BRIP1: variants seen among roughly 807,000 people sequenced by gnomAD.
BRIP1 encodes the protein BRCA1 interacting DNA helicase 1, also known as Fanconi anemia group J protein.
BRIP1 carries 88 observed loss-of-function variants against 119.7 expected under a neutral mutation model. The observed-to-expected ratio is 0.74, with a 90% CI of 0.62 to 0.88. BRIP1 has a LOEUF of 0.88. Among genes scored for constraint, BRIP1 ranks in the 40% least tolerant of loss-of-function variants. The probability of loss-of-function intolerance (pLI) is 0.00; values close to 1 mark genes in which losing one functional copy is unlikely to be tolerated. For missense variants in BRIP1, 1,259 were observed against 1,455.4 expected (o/e 0.87, Z 2.20); for synonymous variants, 443 against 496.5 (o/e 0.89, Z 1.43).
rs587781328 is a variant in BRIP1, at chr17:61,684,021, C to T, written c.3025G>A (p.Gly1009Arg). 6.2e-7 allele frequency: 1 copy of T among 1,613,938 alleles called. No homozygotes were observed. Among genetic ancestry groups the T allele is most frequent in the Non-Finnish European group, 8.5e-7 (1 of 1,179,972 alleles). Reference protein sequence around the residue: ...RVSWSSFNSLGQYFTGKIPKA... With the variant: ...RVSWSSFNSLRQYFTGKIPKA... ...GGTATTTTACCAGTAAAATACTGTC[C>T]CAAAGAATTAAAGCTTGACCAGCTA... The change falls in exon 20 of 20, where the codon GGA becomes AGA. Residue 1009 changes from glycine (G) to arginine (R), a missense_variant. Gly to Arg is a moderately radical substitution (Grantham distance 125, BLOSUM62 -2). Transcript: ENST00000259008. The surrounding 1 kb of genome is among the most constrained non-coding windows in gnomAD (Gnocchi z 4.5).
At chr17:61,817,753 A>G (rs550357897) in intron 6 of BRIP1, among the ~76,000 whole-genome samples, 1 of 152,346 alleles carries the variant, frequency 6.6e-6, no homozygotes, top group East Asian at 1.9e-4. Flanking sequence ...CAGAGATTCT[A>G]GAAAACCAAT....
Position 61,767,789 on chromosome 17 carries a change from A to T in BRIP1, c.2097+8612T>A, listed in dbSNP as rs542233205. On this transcript the variant is annotated intron_variant, in intron 14 of 19. Coordinates refer to ENST00000259008, the MANE Select transcript of BRIP1 (RefSeq NM_032043.3). The surrounding 1 kb of genome is among the most constrained non-coding windows in gnomAD (Gnocchi z 5.7). ...CAGTCTTTACATTACATTTTCACACATGCCAAGCTAAACTCTGTGATTATG... is the reference window on the plus strand; with the variant it reads ...CAGTCTTTACATTACATTTTCACACTTGCCAAGCTAAACTCTGTGATTATG... 1.2e-4 allele frequency among the ~76,000 whole-genome samples: 19 copies of T among 152,216 alleles called. No individual in the cohort carries two copies. Among genetic ancestry groups the T allele is most frequent in the Non-Finnish European group, 2.6e-4 (18 of 68,002 alleles).
In BRIP1 at chr17:61,693,921, C is replaced by A. The variant is rs2061486891; in HGVS notation, c.2493-409G>T. ...ATTTTGTCAAAAATATTCTAAAATT[C>A]AATTGACATAACATGTAGTTTTTCT... On this transcript the variant is annotated intron_variant, in intron 17 of 19. Coordinates refer to ENST00000259008, the MANE Select transcript of BRIP1 (RefSeq NM_032043.3). The surrounding 1 kb of genome is among the most constrained non-coding windows in gnomAD (Gnocchi z 4.2). Among the ~76,000 whole-genome samples, 1 of 151,842 alleles carries A rather than the reference C, an allele frequency of 6.6e-6. No individual in the cohort carries two copies. The highest frequency in any genetic ancestry group is 1.5e-5 in the Non-Finnish European group (1 of 67,910).
intron 10 of BRIP1, among the ~76,000 whole-genome samples, chr17:61,786,911 A>G (rs1310557119): frequency 2.2e-5 from 1 of 44,516 alleles, no homozygotes; most frequent in Non-Finnish European, 3.8e-5. Context: ...TATAATGTAA[A>G]TATAAAAATA....
At chr17:61,786,863 A>G (rs1227728731) in intron 10 of BRIP1, among the ~76,000 whole-genome samples, 1 of 126,026 alleles carries the variant, frequency 7.9e-6, no homozygotes, top group Non-Finnish European at 1.6e-5. Flanking sequence ...ATATATTCAT[A>G]TATGTATTAA....
chr17:61,819,431 A>G (rs979449528), intron 6 of BRIP1, among the ~76,000 whole-genome samples: 2 of 152,214 alleles, frequency 1.3e-5, no homozygotes, highest in African/African-American at 4.8e-5. Context: ...CTGCACTCTC[A>G]TGTTTATTGC....
At chr17:61,771,032 G>GACAT (rs1162265679) in intron 14 of BRIP1, among the ~76,000 whole-genome samples, 2 of 152,238 alleles carry the variant, frequency 1.3e-5, no homozygotes, top group East Asian at 3.9e-4. Context: ...GTCTATAAGA[G>GACAT]ACACACTTTA....
In BRIP1 at chr17:61,860,749, T is replaced by C. The variant is rs925472304; in HGVS notation, c.93+698A>G. 1.3e-5 allele frequency among the ~76,000 whole-genome samples: 2 copies of C among 152,134 alleles called. No individual in the cohort carries two copies. The highest frequency in any genetic ancestry group is 1.3e-4 in the Admixed American group (2 of 15,286). ...ACCTAAATGTCTACCAATAAGAAAA[T>C]GGACAGATAAATTCTGGTATATTCA... On this transcript the variant is annotated intron_variant, in intron 2 of 19. Coordinates refer to ENST00000259008, the MANE Select transcript of BRIP1 (RefSeq NM_032043.3). This position sits in a 1 kb window ranked among gnomAD's most constrained non-coding sequence, Gnocchi z 4.1.
At position 61,744,287 on chromosome 17, in the gene BRIP1, C is replaced by A. The variant is rs2077027124; in HGVS notation, c.2257+145G>T. The A allele has an allele frequency of 1.1e-6, 1 of 902,656 alleles. No individual in the cohort carries two copies. Among genetic ancestry groups the A allele is most frequent in the Non-Finnish European group, 1.7e-6 (1 of 601,998 alleles). The allele number at this position is 902,656 out of a possible 1,614,324, so 55.9% of individuals were successfully genotyped here. A position where few individuals can be genotyped will look rare whatever the true frequency, so the allele number is the denominator to read the frequency against. On this transcript the variant is annotated intron_variant, in intron 15 of 19. Transcript: ENST00000259008. The surrounding 1 kb of genome is among the most constrained non-coding windows in gnomAD (Gnocchi z 5.0). Reference sequence around the variant, plus strand: ...AGAACAAGTACAATTAAAAGAATTTCTTTACCCAATTTATTTTCTTTTCAC... The same window carrying A: ...AGAACAAGTACAATTAAAAGAATTTATTTACCCAATTTATTTTCTTTTCAC...
rs1555601190 is a variant in BRIP1, at chr17:61,776,544, C to T, written c.1954G>A (p.Gly652Arg). 1 of 1,613,974 alleles carries T rather than the reference C, an allele frequency of 6.2e-7. No individual in the cohort carries two copies. Among genetic ancestry groups the T allele is most frequent in the Non-Finnish European group, 8.5e-7 (1 of 1,179,978 alleles). The change falls in exon 14 of 20, where the codon GGG (glycine) becomes AGG (arginine). Residue 652 changes from glycine to arginine, a missense_variant. This residue lies in a region of BRIP1 where 753 missense variants were observed against 891.8 expected (regional missense o/e 0.84). Transcript: ENST00000259008. The surrounding 1 kb of genome is among the most constrained non-coding windows in gnomAD (Gnocchi z 5.0). ...AGATTCCGACCCTTGGGGCCTGACC[C>T]AATGGTACCAACCCAAACCTAGAAT... ...KNSQVWVGTI[G>R]SGPKGRNLCA...
intron 10 of BRIP1, among the ~76,000 whole-genome samples, chr17:61,790,132 A>T: frequency 6.6e-6 from 1 of 152,200 alleles, no homozygotes; most frequent in East Asian, 1.9e-4. Context: ...CATAGTTGTA[A>T]CCAGTACTTC....
chr17:61,741,115 A>G (rs2076981287), intron 16 of BRIP1, among the ~76,000 whole-genome samples: 1 of 152,250 alleles, frequency 6.6e-6, no homozygotes, highest in African/African-American at 2.4e-5. Flanking sequence ...CAATGTTCAC[A>G]GCATCTTTAC....
At chr17:61,711,611 G>C (rs1227255905) in intron 17 of BRIP1, among the ~76,000 whole-genome samples, 1 of 151,992 alleles carries the variant, frequency 6.6e-6, no homozygotes, top group Admixed American at 6.6e-5. Context: ...GCTCACGCCT[G>C]TAATCTTAAC....
intron 6 of BRIP1, among the ~76,000 whole-genome samples, chr17:61,813,042 G>A (rs942120906): frequency 6.6e-6 from 1 of 152,034 alleles, no homozygotes; most frequent in African/African-American, 2.4e-5. Flanking sequence ...TTTAGAAATG[G>A]AAAATGATAA....
Position 61,757,295 on chromosome 17 carries a change from G to C in BRIP1, c.2098-12704C>G, listed in dbSNP as rs2077213388. ...AACAGCTTCCTGTTTGGTGATATTT[G>C]ACTCAGCACTTTCACCTCAAGAGGC... On this transcript the variant is annotated intron_variant, in intron 14 of 19. Coordinates refer to ENST00000259008, the MANE Select transcript of BRIP1 (RefSeq NM_032043.3). This position sits in a 1 kb window ranked among gnomAD's most constrained non-coding sequence, Gnocchi z 4.3. 6.6e-6 allele frequency among the ~76,000 whole-genome samples: 1 copy of C among 152,108 alleles called. No homozygotes were observed. Among genetic ancestry groups the C allele is most frequent in the African/African-American group, 2.4e-5 (1 of 41,408 alleles).
In BRIP1 at chr17:61,682,926, G is replaced by A. The variant is rs1340667861; in HGVS notation, c.*370C>T. ...AGAAGGGCAGATCACGAGGCCAGGA[G>A]TTCGAGACCAGCCTGGCCAACATGG... is the stretch of plus-strand genomic sequence containing the variant. On this transcript the variant is annotated 3_prime_UTR_variant, in exon 20 of 20. Transcript: ENST00000259008. This position sits in a 1 kb window ranked among gnomAD's most constrained non-coding sequence, Gnocchi z 4.9. The A allele has an allele frequency of 8.5e-6, 2 of 235,172 alleles. No individual in the cohort carries two copies. Among genetic ancestry groups the A allele is most frequent in the African/African-American group, 2.3e-5 (1 of 43,622 alleles). The allele number at this position is 235,172 out of a possible 1,614,324, so 14.6% of individuals were successfully genotyped here.
chr17:61,776,360 T>C lies in BRIP1; in HGVS notation c.2097+41A>G. The C allele has an allele frequency of 6.2e-7, 1 of 1,608,636 alleles. No homozygotes were observed. Among genetic ancestry groups the C allele is most frequent in the East Asian group, 2.2e-5 (1 of 44,844 alleles). ...AGCATGCCAATGTTTAAAATGTAAA[T>C]GATTATTTAAAGGCAAAAGAAACAA... On this transcript the variant is annotated intron_variant, in intron 14 of 19. Coordinates refer to ENST00000259008, the MANE Select transcript of BRIP1 (RefSeq NM_032043.3). The surrounding 1 kb of genome is among the most constrained non-coding windows in gnomAD (Gnocchi z 5.0).
chr17:61,731,079 TAA>T (rs762489777), intron 16 of BRIP1, among the ~76,000 whole-genome samples: 7 of 130,704 alleles, frequency 5.4e-5, no homozygotes, highest in Non-Finnish European at 5.0e-5. Flanking sequence ...CAAACTATCT[TAA>T]AAAAAAAAAA....
Position 61,714,109 on chromosome 17 carries a change from G to A in BRIP1, c.2492+1842C>T, listed in dbSNP as rs960886533. Among the ~76,000 whole-genome samples, 7 of 152,082 alleles carry A rather than the reference G, an allele frequency of 4.6e-5. No homozygotes were observed. In the South Asian group the frequency reaches 6.2e-4, roughly 14 times the overall value. On this transcript the variant is annotated intron_variant, in intron 17 of 19. Transcript: ENST00000259008. ...GAGGACTGCTTGAACCCAGGTGTTC[G>A]AGACCAGCCTGGGCAACATAGCCAT...
Sources: allele counts gnomAD v4.1 joint callset (sites outside exome capture counted in the v4.1 genomes callset), GRCh38; gene constraint gnomAD v4.1.1; regional missense constraint gnomAD v4.1.1; non-coding constraint Gnocchi (gnomAD v3.1); transcripts MANE v1.5; gene names NCBI Gene and HGNC (gene_info 2026-07-23, HGNC 2026-07-21).